The following PCNX2 variants were observed in gnomAD, a reference collection of about 807,000 sequenced individuals.
PCNX2 encodes pecanex 2, also known as pecanex-like protein 2.
In PCNX2, 168 loss-of-function variants were observed where a neutral mutation model predicts 223.8. The ratio of observed to expected loss-of-function variants is 0.75; its 90% confidence interval spans 0.66 to 0.85. The LOEUF (loss-of-function observed/expected upper bound fraction) is 0.85. PCNX2 is among the 40% of genes least tolerant of loss of function. The pLI, the probability that PCNX2 is intolerant of heterozygous loss-of-function variation, is 0.00. For synonymous variants in PCNX2, 1,006 were observed against 1,052.6 expected (o/e 0.96, Z 0.86); for missense variants, 2,507 against 2,675.5 (o/e 0.94, Z 1.39).
intron 23 of PCNX2, among the ~76,000 whole-genome samples, chr1:233,080,385 TACACACACACACACAAACACACACACAC>T (rs1558212161): frequency 7.1e-6 from 1 of 141,108 alleles, no homozygotes; most frequent in African/African-American, 2.9e-5. Context: ...TTTTCATCCA[TACACACACACACACAAACACACACACAC>T]ACACACACAC....
chr1:233,216,282 G>C (rs551889096), intron 12 of PCNX2, among the ~76,000 whole-genome samples: 1 of 152,334 alleles, frequency 6.6e-6, no homozygotes, highest in Non-Finnish European at 1.5e-5. Context: ...AGCAGGCTCA[G>C]AGGAAAGCAC....
At chr1:233,307,397 T>C in the PCNX2 span, among the ~76,000 whole-genome samples, 1 of 152,268 alleles carries the variant, frequency 6.6e-6, no homozygotes, top group African/African-American at 2.4e-5. Context: ...CTCTCTCTCT[T>C]GCTCTCTCAC....
chr1:232,984,266 T>G lies in PCNX2; in HGVS notation c.*38A>C, dbSNP rs1259147622. ...GAGGGAGAGCAATGCAGGTGGGAGG[T>G]GTGGGGGAGCCAGCCTCCCCGCCCG... On this transcript the variant is annotated 3_prime_UTR_variant, in exon 34 of 34. Transcript: ENST00000258229. 4 of 1,532,656 alleles carry G rather than the reference T, an allele frequency of 2.6e-6. No homozygotes were observed. Among genetic ancestry groups the G allele is most frequent in the Non-Finnish European group, 3.5e-6 (4 of 1,139,516 alleles). 94.9% of individuals were successfully genotyped at this position (1,532,656 alleles called of 1,614,324 possible).
Position 233,016,942 on chromosome 1 carries a change from G to C in PCNX2, c.4818C>G (p.His1606Gln). The change falls in exon 27 of 34, where the codon CAC (histidine) becomes CAG (glutamine). Residue 1606 changes from histidine to glutamine, a missense_variant. Physicochemically the swap from His to Gln is conservative, Grantham distance 24. Transcript: ENST00000258229. ...CTACCTCTTGTCTTTTCCGTGCACA[G>C]TGTTGAATCCATTCTAGATAAACAT... ...FCNVYLEWIQHCARKRQEPST... is the reference protein window; with the variant it reads ...FCNVYLEWIQQCARKRQEPST... 1 of 1,610,656 alleles carries C rather than the reference G, an allele frequency of 6.2e-7. No homozygotes were observed. Among genetic ancestry groups the C allele is most frequent in the Non-Finnish European group, 8.5e-7 (1 of 1,177,024 alleles).
rs776256928 is a variant in PCNX2, at chr1:233,017,022, T to A, written c.4738A>T (p.Ile1580Phe). Residue 1580 changes from isoleucine to phenylalanine, a missense_variant, in exon 27 of 34, where the codon ATT (isoleucine) becomes TTT (phenylalanine). This residue lies in a region of PCNX2 where 1,372 missense variants were observed against 1,509.4 expected (regional missense o/e 0.91). Transcript: ENST00000258229. The stretch of plus-strand genomic sequence containing the variant: ...AGACACGGGACGTAGTCATCATCAA[T>A]GTTAATGTTGAACATTGCAAGGTCA... ...ERDLAMFNIN[I>F]DDDYVPCLQG... is the part of the protein sequence containing the mutation. The A allele has an allele frequency of 8.7e-6, 14 of 1,613,892 alleles. No individual in the cohort carries two copies. Among genetic ancestry groups the A allele is most frequent in the African/African-American group, 1.3e-5 (1 of 74,926 alleles).
At position 233,295,660 on chromosome 1, in the gene PCNX2, A is replaced by C. The variant is rs1402155162; in HGVS notation, c.-182T>G. On this transcript the variant is annotated 5_prime_UTR_variant, in exon 1 of 34. Coordinates refer to ENST00000258229, the MANE Select transcript of PCNX2 (RefSeq NM_014801.4). The surrounding 1 kb of genome is among the most constrained non-coding windows in gnomAD (Gnocchi z 4.1). The stretch of plus-strand genomic sequence containing the variant: ...AAGCTGGAGCTGCTCTTCCGCCCGG[A>C]CCCGCGAACCGCGGCGCCGGAGCCG... 3 of 634,322 alleles carry C rather than the reference A, an allele frequency of 4.7e-6. No homozygotes were observed. The highest frequency in any genetic ancestry group is 6.7e-6 in the Non-Finnish European group (3 of 444,708). 39.3% of individuals were successfully genotyped at this position (634,322 alleles called of 1,614,324 possible). A position where few individuals can be genotyped will look rare whatever the true frequency, so the allele number is the denominator to read the frequency against.
At chr1:233,032,045 A>G (rs1671286716) in intron 25 of PCNX2, 2 of 981,234 alleles carry the variant, frequency 2.0e-6, no homozygotes, top group Non-Finnish European at 2.4e-6. Flanking sequence ...TTAATAATAT[A>G]ATTTAGGAAG....
At chr1:233,020,186 G>C (rs3766481) in intron 26 of PCNX2, among the ~76,000 whole-genome samples, 13,379 of 152,220 alleles carry the variant, frequency 0.088, 777 homozygotes, top group East Asian at 0.26. Context: ...CTGGCAAAAC[G>C]CTGCAGTGCT....
chr1:233,125,663 T>C (rs200837861), intron 21 of PCNX2, among the ~76,000 whole-genome samples: 1 of 152,086 alleles, frequency 6.6e-6, no homozygotes, highest in Non-Finnish European at 1.5e-5. Context: ...ACACAAAACG[T>C]CAATGAGACT....
At chr1:233,289,350 T>C in intron 1 of PCNX2, 1 of 1,135,950 alleles carries the variant, frequency 8.8e-7, no homozygotes, top group Non-Finnish European at 1.3e-6. Context: ...GAGGTCCAAG[T>C]TCATCTCCAG....
the PCNX2 span, among the ~76,000 whole-genome samples, chr1:233,321,649 A>AGAATAT: frequency 3.3e-5 from 5 of 152,170 alleles, no homozygotes; most frequent in Non-Finnish European, 7.3e-5. Context: ...GAAATGCTTT[A>AGAATAT]TATGCATTTC....
In PCNX2 at chr1:233,224,880, G is replaced by T. The variant is rs376469121; in HGVS notation, c.2504+2346C>A. 1.3e-3 allele frequency among the ~76,000 whole-genome samples: 203 copies of T among 151,948 alleles called. 3 individuals are homozygous for T. In the South Asian group the frequency reaches 0.04, roughly 30 times the overall value. On this transcript the variant is annotated intron_variant, in intron 10 of 33. Transcript: ENST00000258229. The stretch of plus-strand genomic sequence containing the variant: ...AACCAAACACCACATATTCTCACTC[G>T]TAAGTGGGAGTTGAACAATGAGAAC...
the PCNX2 span, among the ~76,000 whole-genome samples, chr1:233,303,361 A>G: frequency 2.0e-5 from 3 of 152,060 alleles, no homozygotes; most frequent in Non-Finnish European, 4.4e-5. Context: ...AAAAAAATAC[A>G]AAAATTTGCT....
chr1:233,090,819 A>G (rs1000626438), intron 22 of PCNX2, among the ~76,000 whole-genome samples: 22 of 152,218 alleles, frequency 1.4e-4, no homozygotes, highest in African/African-American at 5.3e-4. Context: ...GCATTCTTAT[A>G]TGAGTTTCTC....
intron 21 of PCNX2, among the ~76,000 whole-genome samples, chr1:233,104,230 T>C (rs72763935): frequency 0.13 from 20,052 of 151,834 alleles, 1,432 homozygotes; most frequent in East Asian, 0.21. Flanking sequence ...CAGATAAAAT[T>C]TGCCTATCAA....
In PCNX2 at chr1:233,023,288, C is replaced by T. The variant is rs557642609; in HGVS notation, c.4605+1858G>A. Among the ~76,000 whole-genome samples, 43 of 152,312 alleles carry T rather than the reference C, an allele frequency of 2.8e-4. 1 individual carries two copies. In the South Asian group the frequency reaches 8.1e-3, roughly 29 times the overall value. The stretch of plus-strand genomic sequence containing the variant: ...GTTTTCTCCTTCTTCTGTGAACACA[C>T]GATTTCATTCTGGGCTCATGGCTGC... On this transcript the variant is annotated intron_variant, in intron 26 of 33. Coordinates refer to ENST00000258229, the MANE Select transcript of PCNX2 (RefSeq NM_014801.4).
rs1659558871 is a variant in PCNX2 at position 233,253,251 on chromosome 1, T to C, written c.1835-463A>G. Reference sequence around the variant, plus strand: ...AGTCTTTCTTCTCACTCTCCAAAACTGAATTTTCAAGCTAAAGCTAGAATT... The same window carrying C: ...AGTCTTTCTTCTCACTCTCCAAAACCGAATTTTCAAGCTAAAGCTAGAATT... On this transcript the variant is annotated intron_variant, in intron 5 of 33. Transcript: ENST00000258229. The surrounding 1 kb of genome is among the most constrained non-coding windows in gnomAD (Gnocchi z 4.2). Among the ~76,000 whole-genome samples, 1 of 152,250 alleles carries C rather than the reference T, an allele frequency of 6.6e-6. No individual in the cohort carries two copies. Among genetic ancestry groups the C allele is most frequent in the Admixed American group, 6.5e-5 (1 of 15,284 alleles).
At chr1:233,293,313 A>G (rs12077767) in intron 1 of PCNX2, among the ~76,000 whole-genome samples, 9,618 of 152,254 alleles carry the variant, frequency 0.063, 557 homozygotes, top group African/African-American at 0.15. Context: ...GAGGTAGACT[A>G]TTTAATGCTA....
intron 15 of PCNX2, among the ~76,000 whole-genome samples, chr1:233,187,931 A>G (rs1466888280): frequency 6.6e-6 from 1 of 152,228 alleles, no homozygotes; most frequent in Non-Finnish European, 1.5e-5. Flanking sequence ...GTTAAAACTT[A>G]GGTTTTACTT....
Sources: gnomAD v4.1 joint callset for allele counts (sites outside exome capture counted in the v4.1 genomes callset) on GRCh38, gnomAD v4.1.1 for gene constraint, gnomAD v4.1.1 regional missense constraint, Gnocchi (gnomAD v3.1) non-coding constraint, MANE v1.5 for transcripts, NCBI Gene and HGNC (gene_info 2026-07-23, HGNC 2026-07-21) for gene names.